The following DCAF12L1 variants were observed in gnomAD, a reference collection of about 807,000 sequenced individuals.
DCAF12L1 encodes DDB1 and CUL4 associated factor 12 like 1.
For missense variants in DCAF12L1, 251 were observed against 409.2 expected (o/e 0.61, Z 3.34); for synonymous variants, 218 against 196.4 (o/e 1.11, Z -0.92).
chrX:126,551,694 G>A lies in DCAF12L1; in HGVS notation c.915C>T (p.Tyr305=), dbSNP rs752760461. 4.8e-5 allele frequency: 58 copies of A among 1,210,803 alleles called. No homozygotes were observed. In the Admixed American group the frequency reaches 1.3e-3, roughly 26 times the overall value. Residue 305 remains tyrosine (Y), a synonymous_variant, in exon 1 of 2, where the codon TAC becomes TAT. Coordinates refer to ENST00000371126, the MANE Select transcript of DCAF12L1 (RefSeq NM_178470.5). The part of the protein sequence containing the change: ...LSRLLSIRLP[Y]FRDNVCLTYC... ...AGGTCAGGCACACATTATCCCGGAA[G>A]TAGGGCAGCCTGATGGACAGCAGCC...
chrX:126,551,449 G>C lies in DCAF12L1; in HGVS notation c.1160C>G (p.Ala387Gly). Residue 387 changes from alanine to glycine, a missense_variant, in exon 1 of 2, where the codon GCC (alanine) becomes GGC (glycine). Physicochemically the swap from Ala to Gly is moderately conservative, Grantham distance 60. Transcript: ENST00000371126. ...CGAAGAGGACTCCAGGGTGGCGGAG[G>C]CTCTTTCCTCCAGGAATTTCTGGGC... ...VRAQKFLEER[A>G]SATLESSSGP... The C allele has an allele frequency of 8.3e-7, 1 of 1,211,926 alleles. No individual in the cohort carries two copies. Among genetic ancestry groups the C allele is most frequent in the Non-Finnish European group, 1.1e-6 (1 of 895,562 alleles).
chrX:126,552,595 T>C lies in DCAF12L1; in HGVS notation c.14A>G (p.Gln5Arg). The C allele has an allele frequency of 8.3e-7, 1 of 1,206,273 alleles. No individual in the cohort carries two copies. The highest frequency in any genetic ancestry group is 1.1e-6 in the Non-Finnish European group (1 of 895,100). The stretch of plus-strand genomic sequence containing the variant: ...CGCTTTCCGTTTCCTGCTACCTGTT[T>C]GCTGCTGGGCCATGGTGGGCGGCGG... MAQQ[Q>R]TGSRKRKAPA... Residue 5 changes from glutamine to arginine, a missense_variant, in exon 1 of 2, where the codon CAA becomes CGA. Coordinates refer to ENST00000371126, the MANE Select transcript of DCAF12L1 (RefSeq NM_178470.5).
In DCAF12L1 at chrX:126,551,229, G is replaced by A. The variant is rs1345062187; in HGVS notation, c.1380C>T (p.Gly460=). The A allele has an allele frequency of 8.3e-7, 1 of 1,209,535 alleles. No homozygotes were observed. The change falls in exon 1 of 2, where the codon GGC becomes GGT. Residue 460 remains glycine (G), a synonymous_variant. Transcript: ENST00000371126. ...LPAGLHGNYA[G]LWS ...AAGGCGGTCATCCTTAGCTCCAGAGGCCTGCATAGTTCCCATGGAGGCCTG... is the reference window on the plus strand; with the variant it reads ...AAGGCGGTCATCCTTAGCTCCAGAGACCTGCATAGTTCCCATGGAGGCCTG...
chrX:126,552,339 G>A lies in DCAF12L1; in HGVS notation c.270C>T (p.Arg90=). 1.7e-6 allele frequency: 2 copies of A among 1,212,117 alleles called. No individual in the cohort carries two copies. The highest frequency in any genetic ancestry group is 2.2e-6 in the Non-Finnish European group (2 of 895,628). Residue 90 remains arginine (R), a synonymous_variant, in exon 1 of 2, where the codon CGC becomes CGT. Coordinates refer to ENST00000371126, the MANE Select transcript of DCAF12L1 (RefSeq NM_178470.5). The part of the protein sequence containing the change: ...VQRLPELLTE[R]QLELGTVNKV... Reference sequence around the variant, plus strand: ...TGTTGACCGTGCCCAGCTCCAGTTGGCGCTCCGTCAGCAGCTCGGGCAGCC... The same window carrying A: ...TGTTGACCGTGCCCAGCTCCAGTTGACGCTCCGTCAGCAGCTCGGGCAGCC...
Position 126,552,740 on chromosome X carries a change from G to T in DCAF12L1, c.-132C>A. 2 of 1,031,961 alleles carry T rather than the reference G, an allele frequency of 1.9e-6. No individual in the cohort carries two copies. The highest frequency in any genetic ancestry group is 2.5e-6 in the Non-Finnish European group (2 of 786,847). The allele number at this position is 1,031,961 out of a possible 1,213,427, so 85.0% of individuals were successfully genotyped here. On this transcript the variant is annotated 5_prime_UTR_variant, in exon 1 of 2. Transcript: ENST00000371126. ...CTTCGGATTCTGAGGCGCGGCAGTG[G>T]CGGACCGGGTGAGGGACGCGCGGGA...
At position 126,551,209 on chromosome X, in the gene DCAF12L1, G is replaced by A. The variant is rs370993221; in HGVS notation, c.*8C>T. The A allele has an allele frequency of 2.5e-4, 294 of 1,194,793 alleles. No homozygotes were observed. The highest frequency in any genetic ancestry group is 3.1e-4 in the Non-Finnish European group (274 of 888,327). On this transcript the variant is annotated 3_prime_UTR_variant, in exon 1 of 2. Coordinates refer to ENST00000371126, the MANE Select transcript of DCAF12L1 (RefSeq NM_178470.5). ...AATCTGTGTACCTGGAGTACAAGGC[G>A]GTCATCCTTAGCTCCAGAGGCCTGC... is the stretch of plus-strand genomic sequence containing the variant.
In DCAF12L1 at chrX:126,550,910, TAAAG is replaced by T. The variant is rs756642924; in HGVS notation, c.*216_*219del. The T allele has an allele frequency of 1.6e-5, 4 of 244,883 alleles. No homozygotes were observed. The South Asian group carries it at 6.2e-4, about 38-fold the overall frequency. The allele number at this position is 244,883 out of a possible 1,213,427, so 20.2% of individuals were successfully genotyped here. Reference sequence around the variant, plus strand: ...CTGAAAGACCATGACTGCATCTTCTTAAAGAAACAGAATGTATGAATCACTCAAA... The same window carrying T: ...CTGAAAGACCATGACTGCATCTTCTTAAACAGAATGTATGAATCACTCAAA... On this transcript the variant is annotated 3_prime_UTR_variant, in exon 2 of 2. Coordinates refer to ENST00000371126, the MANE Select transcript of DCAF12L1 (RefSeq NM_178470.5).
Position 126,552,018 on chromosome X carries a change from G to C in DCAF12L1, c.591C>G (p.Ile197Met), listed in dbSNP as rs1403134089. 4.3e-5 allele frequency: 52 copies of C among 1,211,616 alleles called. No individual in the cohort carries two copies. Among genetic ancestry groups the C allele is most frequent in the Non-Finnish European group, 5.1e-5 (46 of 895,523 alleles). ...LGDRHGHKDW[I>M]FAVAWLSDTV... ...TGTCACTCAGCCAGGCGACGGCGAAGATCCAGTCCTTGTGGCCATGGCGGT... is the reference window on the plus strand; with the variant it reads ...TGTCACTCAGCCAGGCGACGGCGAACATCCAGTCCTTGTGGCCATGGCGGT... Residue 197 changes from isoleucine to methionine, a missense_variant, in exon 1 of 2, where the codon ATC (isoleucine) becomes ATG (methionine). Coordinates refer to ENST00000371126, the MANE Select transcript of DCAF12L1 (RefSeq NM_178470.5).
rs1056266108 is a variant in DCAF12L1 at position 126,552,219 on chromosome X, G to A, written c.390C>T (p.Ile130=). 4.1e-6 allele frequency: 5 copies of A among 1,212,499 alleles called. No individual in the cohort carries two copies. Among genetic ancestry groups the A allele is most frequent in the Non-Finnish European group, 3.3e-6 (3 of 895,657 alleles). Residue 130 remains isoleucine, a synonymous_variant, in exon 1 of 2, where the codon ATC becomes ATT. Coordinates refer to ENST00000371126, the MANE Select transcript of DCAF12L1 (RefSeq NM_178470.5). ...TGTCCCGCAAGAGGGGAATGCGCGC[G>A]ATGTGGCCTGACTCCACGTCCACCA... ...LFVVDVESGH[I]ARIPLLRDSE...
rs950576783 is a variant in DCAF12L1 at position 126,551,451 on chromosome X, T to C, written c.1158A>G (p.Arg386=). The stretch of plus-strand genomic sequence containing the variant: ...AAGAGGACTCCAGGGTGGCGGAGGC[T>C]CTTTCCTCCAGGAATTTCTGGGCCC... The part of the protein sequence containing the change: ...DVRAQKFLEE[R]ASATLESSSG... The change falls in exon 1 of 2, where the codon AGA becomes AGG. Residue 386 remains arginine, a synonymous_variant. Coordinates refer to ENST00000371126, the MANE Select transcript of DCAF12L1 (RefSeq NM_178470.5). 1 of 1,211,604 alleles carries C rather than the reference T, an allele frequency of 8.3e-7. No homozygotes were observed. Among genetic ancestry groups the C allele is most frequent in the Non-Finnish European group, 1.1e-6 (1 of 895,493 alleles).
chrX:126,552,056 G>A lies in DCAF12L1; in HGVS notation c.553C>T (p.Leu185=). The A allele has an allele frequency of 8.2e-7, 1 of 1,212,350 alleles. No homozygotes were observed. The part of the protein sequence containing the change: ...AIYQLPSLDP[L]CLGDRHGHKD... ...TGGCCATGGCGGTCGCCCAGGCACA[G>A]GGGATCCAGGGAGGGCAGCTGGTAG... Residue 185 remains leucine, a synonymous_variant, in exon 1 of 2, where the codon CTG becomes TTG. Transcript: ENST00000371126.
Position 126,552,141 on chromosome X carries a change from C to T in DCAF12L1, c.468G>A (p.Glu156=), listed in dbSNP as rs369850510. ...CCAGAAGCGTCTTGGAGGGATTCAGCTCGATGGCATGGATGCCGCAGCCCT... is the reference window on the plus strand; with the variant it reads ...CCAGAAGCGTCTTGGAGGGATTCAGTTCGATGGCATGGATGCCGCAGCCCT... ...DQQGCGIHAI[E]LNPSKTLLAT... is the part of the protein sequence containing the mutation. Residue 156 remains glutamate, a synonymous_variant, in exon 1 of 2, where the codon GAG becomes GAA. Coordinates refer to ENST00000371126, the MANE Select transcript of DCAF12L1 (RefSeq NM_178470.5). 2.5e-6 allele frequency: 3 copies of T among 1,211,566 alleles called. No individual in the cohort carries two copies. The highest frequency in any genetic ancestry group is 3.5e-5 in the African/African-American group (2 of 57,652).
At position 126,551,114 on chromosome X, in the gene DCAF12L1, A is replaced by T. The variant is rs1385199492; in HGVS notation, c.*23-7T>A. 1 of 1,015,387 alleles carries T rather than the reference A, an allele frequency of 9.8e-7. No individual in the cohort carries two copies. The highest frequency in any genetic ancestry group is 1.9e-5 in the African/African-American group (1 of 51,737). The allele number at this position is 1,015,387 out of a possible 1,213,427, so 83.7% of individuals were successfully genotyped here. ...TAAGCTGGGCTGGTTCCACCTGGAAAACAAAAGACGCACAGAGTTAAAAGC... is the reference window on the plus strand; with the variant it reads ...TAAGCTGGGCTGGTTCCACCTGGAATACAAAAGACGCACAGAGTTAAAAGC... On this transcript the variant is annotated splice_polypyrimidine_tract_variant and splice_region_variant and intron_variant, in intron 1 of 1. Coordinates refer to ENST00000371126, the MANE Select transcript of DCAF12L1 (RefSeq NM_178470.5).
chrX:126,551,328 A>G lies in DCAF12L1; in HGVS notation c.1281T>C (p.Phe427=). 1.7e-6 allele frequency: 2 copies of G among 1,209,304 alleles called. No individual in the cohort carries two copies. The highest frequency in any genetic ancestry group is 2.2e-6 in the Non-Finnish European group (2 of 894,546). ...AGCAGTGGGTGTAGAGCGCATTGGG[A>G]AACACTTCCATGCCACCAAAGTAAT... The part of the protein sequence containing the change: ...WVNYFGGMEV[F]PNALYTHCYN... The change falls in exon 1 of 2, where the codon TTT becomes TTC. Residue 427 remains phenylalanine, a synonymous_variant. Transcript: ENST00000371126.
chrX:126,552,025 T>C lies in DCAF12L1; in HGVS notation c.584A>G (p.Asp195Gly). The C allele has an allele frequency of 8.2e-7, 1 of 1,212,293 alleles. No individual in the cohort carries two copies. Among genetic ancestry groups the C allele is most frequent in the Non-Finnish European group, 1.1e-6 (1 of 895,597 alleles). Residue 195 changes from aspartate to glycine, a missense_variant, in exon 1 of 2, where the codon GAC becomes GGC. Asp to Gly is a moderately conservative substitution (Grantham distance 94). Coordinates refer to ENST00000371126, the MANE Select transcript of DCAF12L1 (RefSeq NM_178470.5). ...CAGCCAGGCGACGGCGAAGATCCAG[T>C]CCTTGTGGCCATGGCGGTCGCCCAG... ...LCLGDRHGHK[D>G]WIFAVAWLSD...
At position 126,552,567 on chromosome X, in the gene DCAF12L1, G is replaced by A. The variant is rs895012454; in HGVS notation, c.42C>T (p.Pro14=). 1 of 1,207,613 alleles carries A rather than the reference G, an allele frequency of 8.3e-7. No homozygotes were observed. The highest frequency in any genetic ancestry group is 1.1e-6 in the Non-Finnish European group (1 of 895,253). ...QQTGSRKRKA[P]AVEADAESSP... Reference sequence around the variant, plus strand: ...AGCTCTCGGCGTCCGCCTCGACCGCGGGCGCTTTCCGTTTCCTGCTACCTG... The same window carrying A: ...AGCTCTCGGCGTCCGCCTCGACCGCAGGCGCTTTCCGTTTCCTGCTACCTG... Residue 14 remains proline, a synonymous_variant, in exon 1 of 2, where the codon CCC becomes CCT. Transcript: ENST00000371126.
chrX:126,552,237 G>A lies in DCAF12L1; in HGVS notation c.372C>T (p.Asp124=). 1 of 1,212,478 alleles carries A rather than the reference G, an allele frequency of 8.2e-7. No individual in the cohort carries two copies. The highest frequency in any genetic ancestry group is 1.1e-6 in the Non-Finnish European group (1 of 895,641). ...TGCGCGCGATGTGGCCTGACTCCAC[G>A]TCCACCACGAAAAGCGTGTTACACT... is the stretch of plus-strand genomic sequence containing the variant. The part of the protein sequence containing the change: ...GTKCNTLFVV[D]VESGHIARIP... The change falls in exon 1 of 2, where the codon GAC becomes GAT. Residue 124 remains aspartate, a synonymous_variant. Coordinates refer to ENST00000371126, the MANE Select transcript of DCAF12L1 (RefSeq NM_178470.5).
Position 126,549,791 on chromosome X carries a change from A to C in DCAF12L1, c.*1339T>G, listed in dbSNP as rs1229104199. The C allele has an allele frequency of 8.9e-6, 1 of 112,227 alleles. No homozygotes were observed. Among genetic ancestry groups the C allele is most frequent in the Admixed American group, 9.5e-5 (1 of 10,563 alleles). 9.2% of individuals were successfully genotyped at this position (112,227 alleles called of 1,213,427 possible). On this transcript the variant is annotated 3_prime_UTR_variant, in exon 2 of 2. Coordinates refer to ENST00000371126, the MANE Select transcript of DCAF12L1 (RefSeq NM_178470.5). ...ATCTAAGGGAAAACAGACATAACAA[A>C]TTACTAATCCTGGGTCAGCACAGCC... is the stretch of plus-strand genomic sequence containing the variant.
At position 126,551,319 on chromosome X, in the gene DCAF12L1, C is replaced by T. The variant is rs755096870; in HGVS notation, c.1290G>A (p.Ala430=). Residue 430 remains alanine, a synonymous_variant, in exon 1 of 2, where the codon GCG becomes GCA. Transcript: ENST00000371126. ...YFGGMEVFPN[A]LYTHCYNWPE... is the part of the protein sequence containing the mutation. The stretch of plus-strand genomic sequence containing the variant: ...GCCAGTTGTAGCAGTGGGTGTAGAG[C>T]GCATTGGGAAACACTTCCATGCCAC... 8.3e-7 allele frequency: 1 copy of T among 1,211,196 alleles called. No homozygotes were observed. The highest frequency in any genetic ancestry group is 1.1e-6 in the Non-Finnish European group (1 of 895,466).
Sources: allele counts gnomAD v4.1 joint callset, GRCh38; gene constraint gnomAD v4.1.1; transcripts MANE v1.5; gene names NCBI Gene and HGNC (gene_info 2026-07-23, HGNC 2026-07-21).